Variants in NRXN1 observed in about 807,000 individuals in gnomAD.
NRXN1 encodes neurexin-1.
A neutral mutation model predicts 150.9 loss-of-function variants in NRXN1; 39 were observed. The ratio of observed to expected loss-of-function variants is 0.26; its 90% confidence interval spans 0.20 to 0.34. NRXN1 has a LOEUF of 0.34. Ranked by LOEUF, NRXN1 falls within the 10% of genes least tolerant of loss-of-function variation. The pLI, the probability that NRXN1 is intolerant of heterozygous loss-of-function variation, is 1.00. For missense variants in NRXN1, 1,815 were observed against 1,949.9 expected (o/e 0.93, Z 1.30); for synonymous variants, 924 against 757.0 (o/e 1.22, Z -3.62).
At chr2:50,046,142 A>G (rs745434635) in intron 21 of NRXN1, among the ~76,000 whole-genome samples, 11 of 152,298 alleles carry the variant, frequency 7.2e-5, no homozygotes, top group Non-Finnish European at 1.3e-4. Flanking sequence ...GTTGGTGAGG[A>G]AGTAGGGGAG....
At chr2:50,178,345 T>G (rs939124915) in intron 18 of NRXN1, among the ~76,000 whole-genome samples, 2 of 151,896 alleles carry the variant, frequency 1.3e-5, no homozygotes, top group Non-Finnish European at 2.9e-5. Flanking sequence ...AAATTTGGGT[T>G]GACTTAGAAC....
intron 2 of NRXN1, among the ~76,000 whole-genome samples, chr2:50,932,301 T>C (rs1349769341): frequency 1.3e-5 from 2 of 151,906 alleles, no homozygotes; most frequent in African/African-American, 2.4e-5. Context: ...GGAAGGAGAA[T>C]CATCCTTCCT....
At chr2:50,734,032 G>A (rs1285565435) in intron 5 of NRXN1, among the ~76,000 whole-genome samples, 1 of 152,064 alleles carries the variant, frequency 6.6e-6, no homozygotes, top group Non-Finnish European at 1.5e-5. Context: ...TAAACCAGGG[G>A]TGATTTTGCC....
chr2:50,759,652 T>C (rs1701564677), intron 5 of NRXN1, among the ~76,000 whole-genome samples: 1 of 151,854 alleles, frequency 6.6e-6, no homozygotes, highest in Non-Finnish European at 1.5e-5. Flanking sequence ...TATCAGTAAG[T>C]TTCAGAATAA....
At position 49,921,794 on chromosome 2, in the gene NRXN1, T is replaced by C. The variant is rs1438103880; in HGVS notation, c.*150A>G. On this transcript the variant is annotated 3_prime_UTR_variant, in exon 23 of 23. Transcript: ENST00000401669. ...GAGAAACAAGAGCATGAGATACTTGTTTTTATTTTTTAAAAAGTCTTTCCT... is the reference window on the plus strand; with the variant it reads ...GAGAAACAAGAGCATGAGATACTTGCTTTTATTTTTTAAAAAGTCTTTCCT... 5 of 824,054 alleles carry C rather than the reference T, an allele frequency of 6.1e-6. No homozygotes were observed. The highest frequency in any genetic ancestry group is 1.7e-5 in the African/African-American group (1 of 57,866). The allele number at this position is 824,054 out of a possible 1,614,324, so 51.0% of individuals were successfully genotyped here.
intron 9 of NRXN1, among the ~76,000 whole-genome samples, chr2:50,545,060 G>T (rs953484054): frequency 2.6e-5 from 4 of 152,108 alleles, no homozygotes; most frequent in Non-Finnish European, 4.4e-5. Flanking sequence ...CCTAGAAGAA[G>T]AACTGGGAAT....
At chr2:50,648,197 CATAAGGCAA>C (rs765884904) in intron 5 of NRXN1, among the ~76,000 whole-genome samples, 1 of 151,936 alleles carries the variant, frequency 6.6e-6, no homozygotes, top group Non-Finnish European at 1.5e-5. Context: ...CCAACAACGA[CATAAGGCAA>C]AACCTCCCAC....
At chr2:50,705,799 C>A (rs1200704621) in intron 5 of NRXN1, among the ~76,000 whole-genome samples, 1 of 152,122 alleles carries the variant, frequency 6.6e-6, no homozygotes, top group Non-Finnish European at 1.5e-5. Context: ...TCACCTAATT[C>A]AGGAATTGCC....
intron 9 of NRXN1, among the ~76,000 whole-genome samples, chr2:50,545,012 A>G (rs775671293): frequency 6.6e-5 from 10 of 152,278 alleles, no homozygotes; most frequent in South Asian, 2.1e-4. Context: ...CTGTATAAGT[A>G]TTTTATGTGT....
intron 5 of NRXN1, among the ~76,000 whole-genome samples, chr2:50,904,563 G>C (rs1235421890): frequency 6.6e-6 from 1 of 152,106 alleles, no homozygotes; most frequent in Non-Finnish European, 1.5e-5. Flanking sequence ...TTCTGTGCTA[G>C]AGCTAACTCT....
chr2:50,220,939 T>C (rs1308770576), intron 18 of NRXN1, among the ~76,000 whole-genome samples: 1 of 152,008 alleles, frequency 6.6e-6, no homozygotes, highest in Non-Finnish European at 1.5e-5. Context: ...TTAAATATCC[T>C]GCCCACCATA....
intron 21 of NRXN1, among the ~76,000 whole-genome samples, chr2:49,987,890 T>G (rs1159486663): frequency 1.3e-5 from 2 of 152,148 alleles, no homozygotes; most frequent in Middle Eastern, 6.3e-3. Context: ...CTAATCAATT[T>G]ATATATTTAG....
chr2:50,290,362 T>C (rs1211289439), intron 17 of NRXN1, among the ~76,000 whole-genome samples: 2 of 152,200 alleles, frequency 1.3e-5, no homozygotes, highest in Non-Finnish European at 2.9e-5. Flanking sequence ...AGTTGTTCTG[T>C]ATATAATAAG....
At chr2:50,238,405 T>G (rs1389385070) in intron 17 of NRXN1, among the ~76,000 whole-genome samples, 3 of 151,994 alleles carry the variant, frequency 2.0e-5, no homozygotes, top group Non-Finnish European at 2.9e-5. Flanking sequence ...ACCCCTAGCT[T>G]TTCTGGTTCT....
chr2:50,698,440 C>A (rs979185391), intron 5 of NRXN1, among the ~76,000 whole-genome samples: 1 of 152,168 alleles, frequency 6.6e-6, no homozygotes, highest in African/African-American at 2.4e-5. Flanking sequence ...ATAAGTCACT[C>A]TTCTCACAAA....
intron 18 of NRXN1, among the ~76,000 whole-genome samples, chr2:50,125,971 A>C (rs1367065192): frequency 6.6e-6 from 1 of 152,108 alleles, no homozygotes; most frequent in Admixed American, 6.6e-5. Context: ...CTTATACGTG[A>C]CCTGTTTACT....
chr2:50,951,084 T>A (rs1691250709), intron 2 of NRXN1, among the ~76,000 whole-genome samples: 1 of 152,212 alleles, frequency 6.6e-6, no homozygotes, highest in Non-Finnish European at 1.5e-5. Context: ...AATTAATGTA[T>A]TAGATTGTAT....
intron 21 of NRXN1, among the ~76,000 whole-genome samples, chr2:49,968,327 T>C (rs1402615732): frequency 1.3e-5 from 2 of 152,110 alleles, no homozygotes; most frequent in African/African-American, 4.8e-5. Flanking sequence ...CTAATTTTAA[T>C]GAATAAAGAG....
chr2:50,815,517 AT>A (rs1049847441), intron 5 of NRXN1, among the ~76,000 whole-genome samples: 11 of 152,012 alleles, frequency 7.2e-5, no homozygotes, highest in African/African-American at 2.7e-4. Flanking sequence ...AACCCATGGT[AT>A]TTTTTTATTT....
Sources: allele counts gnomAD v4.1 joint callset (sites outside exome capture counted in the v4.1 genomes callset), GRCh38; gene constraint gnomAD v4.1.1; transcripts MANE v1.5; gene names NCBI Gene and HGNC (gene_info 2026-07-23, HGNC 2026-07-21).